EYS: variants seen among roughly 807,000 people sequenced by gnomAD.
EYS encodes the protein EGF-like photoreceptor maintenance factor, also known as protein eyes shut homolog.
EYS carries 250 observed loss-of-function variants against 282.1 expected under a neutral mutation model. That is an observed-to-expected ratio of 0.89 (90% CI 0.80 to 0.98). The LOEUF (loss-of-function observed/expected upper bound fraction) is 0.98. EYS is among the 50% of genes least tolerant of loss of function. The pLI, the probability that EYS is intolerant of heterozygous loss-of-function variation, is 0.00. For synonymous variants in EYS, 1,355 were observed against 1,282.9 expected (o/e 1.06, Z -1.20); for missense variants, 4,016 against 3,709.0 (o/e 1.08, Z -2.15).
intron 36 of EYS, among the ~76,000 whole-genome samples, chr6:63,863,098 G>C (rs766088890): frequency 2.6e-4 from 40 of 152,340 alleles, no homozygotes; most frequent in Non-Finnish European, 4.6e-4. Flanking sequence ...AGAGGGCCCT[G>C]AGTTCACTTT....
intron 1 of EYS, among the ~76,000 whole-genome samples, chr6:65,686,258 C>G (rs1769010050): frequency 6.6e-6 from 1 of 152,010 alleles, no homozygotes. Context: ...GGCTCTTCCC[C>G]AGAAGACAAT....
chr6:64,873,328 C>G (rs558541522), intron 19 of EYS, among the ~76,000 whole-genome samples: 5 of 152,138 alleles, frequency 3.3e-5, no homozygotes, highest in African/African-American at 1.2e-4. Flanking sequence ...TACTTCTCAC[C>G]GGGTCCCTCC....
Position 63,824,442 on chromosome 6 carries a change from A to G in EYS, c.7229-18070T>C, listed in dbSNP as rs1434072494. On this transcript the variant is annotated intron_variant, in intron 36 of 42. Transcript: ENST00000503581. ...ATTGATCATTACCACATATTACAAA[A>G]TAAAACTTAGCTTCATAAAAAATTA... Among the ~76,000 whole-genome samples, 4 of 152,208 alleles carry G rather than the reference A, an allele frequency of 2.6e-5. No homozygotes were observed. In the East Asian group the frequency reaches 7.7e-4, roughly 29 times the overall value.
intron 39 of EYS, among the ~76,000 whole-genome samples, chr6:63,787,540 A>G (rs865822140): frequency 6.6e-6 from 1 of 152,238 alleles, no homozygotes; most frequent in Non-Finnish European, 1.5e-5. Context: ...ATATGACTAT[A>G]TAATTAACTA....
chr6:64,410,426 G>A (rs1170744168), intron 28 of EYS, among the ~76,000 whole-genome samples: 1 of 152,116 alleles, frequency 6.6e-6, no homozygotes, highest in East Asian at 1.9e-4. Context: ...GAATCTTCAT[G>A]TCCAATGAGC....
intron 12 of EYS, among the ~76,000 whole-genome samples, chr6:65,260,739 T>C (rs141444078): frequency 3.3e-5 from 5 of 152,180 alleles, no homozygotes; most frequent in Middle Eastern, 3.4e-3. Flanking sequence ...TTATGTTGTA[T>C]GTGCTCTAAA....
chr6:64,449,249 G>T (rs533648710), intron 26 of EYS, among the ~76,000 whole-genome samples: 1 of 152,160 alleles, frequency 6.6e-6, no homozygotes, highest in African/African-American at 2.4e-5. Context: ...TGGAAGAAAG[G>T]GTATCAGCGA....
intron 11 of EYS, among the ~76,000 whole-genome samples, chr6:65,312,617 T>C (rs1417818178): frequency 6.6e-6 from 1 of 152,162 alleles, no homozygotes; most frequent in Non-Finnish European, 1.5e-5. Flanking sequence ...AATTTCCAGA[T>C]AAAATGCCCA....
chr6:64,379,247 G>C (rs1004975044), intron 29 of EYS, among the ~76,000 whole-genome samples: 2 of 151,976 alleles, frequency 1.3e-5, no homozygotes, highest in African/African-American at 4.8e-5. Flanking sequence ...CAAATTAATA[G>C]CCCCAAAGCA....
chr6:63,768,000 G>A (rs1769838518), intron 40 of EYS, among the ~76,000 whole-genome samples: 1 of 152,132 alleles, frequency 6.6e-6, no homozygotes, highest in South Asian at 2.1e-4. Context: ...GATAAATGGT[G>A]CTGGGATAAC....
chr6:65,118,595 G>T (rs16896290), intron 12 of EYS, among the ~76,000 whole-genome samples: 39,572 of 152,004 alleles, frequency 0.26, 6,307 homozygotes, highest in African/African-American at 0.44. Context: ...GCTCTGTCTC[G>T]GAACCTGTGA....
intron 12 of EYS, among the ~76,000 whole-genome samples, chr6:65,221,753 T>C (rs1450360235): frequency 6.6e-6 from 1 of 152,090 alleles, no homozygotes; most frequent in East Asian, 1.9e-4. Flanking sequence ...GCTTGCACCA[T>C]GCACCTAGAA....
At chr6:64,696,941 G>C (rs1770602255) in intron 22 of EYS, among the ~76,000 whole-genome samples, 3 of 152,062 alleles carry the variant, frequency 2.0e-5, no homozygotes, top group Non-Finnish European at 4.4e-5. Flanking sequence ...AAAGGAGGAA[G>C]ATAAATGGCA....
intron 30 of EYS, among the ~76,000 whole-genome samples, chr6:64,244,233 C>G (rs1195789087): frequency 6.6e-6 from 1 of 152,084 alleles, no homozygotes; most frequent in Non-Finnish European, 1.5e-5. Context: ...TTTCATCTGT[C>G]AACTTATAGG....
intron 30 of EYS, among the ~76,000 whole-genome samples, chr6:64,259,504 A>C (rs1017432617): frequency 6.6e-6 from 1 of 151,970 alleles, no homozygotes; most frequent in Non-Finnish European, 1.5e-5. Flanking sequence ...TTGATATGTA[A>C]TCTTGGAAGG....
At chr6:64,729,127 C>A (rs572124541) in intron 22 of EYS, 2 of 152,272 alleles carry the variant, frequency 1.3e-5, no homozygotes, top group Non-Finnish European at 2.9e-5. Context: ...AGGCAACATT[C>A]GAGTGGGAAA....
intron 36 of EYS, among the ~76,000 whole-genome samples, chr6:63,834,089 C>T (rs981230484): frequency 3.3e-5 from 5 of 152,104 alleles, no homozygotes; most frequent in Non-Finnish European, 5.9e-5. Context: ...AAATGTTAGA[C>T]CTAAAGCCAT....
chr6:65,681,966 C>T (rs1295958523), intron 1 of EYS, among the ~76,000 whole-genome samples: 7 of 151,916 alleles, frequency 4.6e-5, no homozygotes. Flanking sequence ...GCAAACACAG[C>T]CTAATCACGT....
At chr6:64,533,929 A>G (rs1416471424) in intron 26 of EYS, among the ~76,000 whole-genome samples, 1 of 152,092 alleles carries the variant, frequency 6.6e-6, no homozygotes, top group East Asian at 1.9e-4. Context: ...CACATGCAGA[A>G]GTAAAATATG....
Sources: gnomAD v4.1 joint callset for allele counts (sites outside exome capture counted in the v4.1 genomes callset) on GRCh38, gnomAD v4.1.1 for gene constraint, MANE v1.5 for transcripts, NCBI Gene and HGNC (gene_info 2026-07-23, HGNC 2026-07-21) for gene names.